Variants in NAALADL2 observed in about 807,000 individuals in gnomAD.
The protein encoded by NAALADL2 is inactive N-acetylated-alpha-linked acidic dipeptidase-like protein 2.
In NAALADL2, 76 loss-of-function variants were observed where a neutral mutation model predicts 87.2. The ratio of observed to expected loss-of-function variants is 0.87; its 90% CI spans 0.72 to 1.05. The LOEUF (loss-of-function observed/expected upper bound fraction) is 1.05, where lower values mean the gene tolerates loss of function less well. NAALADL2 is among the 50% of genes least tolerant of loss of function. The pLI is 0.00. For missense variants in NAALADL2, 1,089 were observed against 945.8 expected (o/e 1.15, Z -1.99); for synonymous variants, 354 against 331.0 (o/e 1.07, Z -0.75).
intron 2 of NAALADL2, among the ~76,000 whole-genome samples, chr3:174,652,625 G>C (rs1363436143): frequency 6.6e-6 from 1 of 152,114 alleles, no homozygotes; most frequent in Non-Finnish European, 1.5e-5. Flanking sequence ...CCATGATTCA[G>C]TTACCTCCCA....
rs916013687 is a variant in NAALADL2 at position 175,592,038 on chromosome 3, G to C, written c.1800+15851G>C. 1.4e-4 allele frequency among the ~76,000 whole-genome samples: 22 copies of C among 151,984 alleles called. No homozygotes were observed. In the South Asian group the frequency reaches 4.6e-3, roughly 32 times the overall value. On this transcript the variant is annotated intron_variant, in intron 10 of 13. Transcript: ENST00000454872. Reference sequence around the variant, plus strand: ...AGTCTGCAAAGCACTGTACTTCTCTGGAGCTCAAAGTGACTGCACTATAAA... The same window carrying C: ...AGTCTGCAAAGCACTGTACTTCTCTCGAGCTCAAAGTGACTGCACTATAAA...
In NAALADL2 at chr3:174,502,911, CT is replaced by C. The variant is rs372123390; in HGVS notation, c.-183-47657del. 2.4e-3 allele frequency among the ~76,000 whole-genome samples: 358 copies of C among 151,986 alleles called. 3 individuals carry two copies. The highest frequency in any genetic ancestry group is 8.3e-3 in the African/African-American group (345 of 41,452). On this transcript the variant is annotated intron_variant, in intron 1 of 3. Transcript: ENST00000434257. The stretch of plus-strand genomic sequence containing the variant: ...AGGCGTGGTGGTGCGCGCCTGTAGT[CT>C]CAGCTACTCAGGAGGCAGAGGCAAG...
Position 175,447,225 on chromosome 3 carries a change from A to G in NAALADL2, c.1091-4A>G, listed in dbSNP as rs1052311130. 2 of 1,569,182 alleles carry G rather than the reference A, an allele frequency of 1.3e-6. No individual in the cohort carries two copies. The highest frequency in any genetic ancestry group is 1.7e-6 in the Non-Finnish European group (2 of 1,161,826). ...GATTATCTTCCTTTGTCTTTTGAATACAGATGAAAGTTTTAGACAAAGCCG... is the reference window on the plus strand; with the variant it reads ...GATTATCTTCCTTTGTCTTTTGAATGCAGATGAAAGTTTTAGACAAAGCCG... On this transcript the variant is annotated splice_region_variant and splice_polypyrimidine_tract_variant and intron_variant, in intron 5 of 13. Coordinates refer to ENST00000454872, the MANE Select transcript of NAALADL2 (RefSeq NM_207015.3).
intron 1 of NAALADL2, among the ~76,000 whole-genome samples, chr3:174,902,922 G>A (rs992033441): frequency 3.3e-5 from 5 of 152,040 alleles, no homozygotes; most frequent in Non-Finnish European, 5.9e-5. Flanking sequence ...GAAATTGAGC[G>A]CTTAGGCTGA....
intron 3 of NAALADL2, among the ~76,000 whole-genome samples, chr3:174,812,223 A>G (rs1425929698): frequency 1.3e-5 from 2 of 152,202 alleles, no homozygotes; most frequent in African/African-American, 2.4e-5. Context: ...GTCTATTTAT[A>G]TAGATCTTGC....
At chr3:174,723,819 G>A (rs1191898165) in intron 2 of NAALADL2, among the ~76,000 whole-genome samples, 2 of 149,744 alleles carry the variant, frequency 1.3e-5, no homozygotes, top group South Asian at 4.2e-4. Flanking sequence ...TATACTGGAG[G>A]TTTTTAGGAT....
intron 11 of NAALADL2, among the ~76,000 whole-genome samples, chr3:175,680,140 A>G (rs892886202): frequency 6.6e-6 from 1 of 152,172 alleles, no homozygotes; most frequent in African/African-American, 2.4e-5. Context: ...AGGTATTTTA[A>G]CCGTAATATC....
intron 9 of NAALADL2, among the ~76,000 whole-genome samples, chr3:175,500,896 A>T (rs974537887): frequency 2.0e-5 from 3 of 152,140 alleles, no homozygotes; most frequent in African/African-American, 7.2e-5. Flanking sequence ...ACACACACAG[A>T]TAGACAGTGA....
At chr3:175,190,148 A>T (rs183899656) in intron 2 of NAALADL2, among the ~76,000 whole-genome samples, 363 of 149,230 alleles carry the variant, frequency 2.4e-3, no homozygotes, top group Non-Finnish European at 4.4e-3. Flanking sequence ...TGGCCTTGGC[A>T]ATATATATAT....
chr3:174,486,417 G>A (rs1279997426), intron 1 of NAALADL2, among the ~76,000 whole-genome samples: 1 of 152,034 alleles, frequency 6.6e-6, no homozygotes, highest in Non-Finnish European at 1.5e-5. Flanking sequence ...GGTCCCCCTA[G>A]TGCTTTTAAA....
At chr3:174,714,789 T>C (rs922059313) in intron 2 of NAALADL2, among the ~76,000 whole-genome samples, 10 of 152,176 alleles carry the variant, frequency 6.6e-5, no homozygotes, top group African/African-American at 2.2e-4. Flanking sequence ...TATCCTTTAT[T>C]TCCTTCTCCT....
intron 1 of NAALADL2, among the ~76,000 whole-genome samples, chr3:174,441,270 C>T (rs1472597021): frequency 6.6e-6 from 1 of 152,068 alleles, no homozygotes; most frequent in Non-Finnish European, 1.5e-5. Context: ...GGGTGGCGCG[C>T]GGGGCACCTG....
intron 1 of NAALADL2, among the ~76,000 whole-genome samples, chr3:174,496,513 TATA>T (rs1166460300): frequency 4.4e-4 from 8 of 18,168 alleles, no homozygotes; most frequent in African/African-American, 1.5e-3. Flanking sequence ...TTATATATTA[TATA>T]TATATATATA....
At chr3:174,615,488 A>G (rs950258667) in intron 2 of NAALADL2, among the ~76,000 whole-genome samples, 1 of 152,222 alleles carries the variant, frequency 6.6e-6, no homozygotes, top group Non-Finnish European at 1.5e-5. Context: ...CAGTAGCACT[A>G]TCATTGGGAA....
intron 1 of NAALADL2, among the ~76,000 whole-genome samples, chr3:175,004,958 T>G (rs1353074892): frequency 6.6e-6 from 1 of 151,926 alleles, no homozygotes. Flanking sequence ...ATTGTGACAA[T>G]GGTAAATTAC....
At chr3:175,271,389 C>CA (rs1167289303) in intron 4 of NAALADL2, among the ~76,000 whole-genome samples, 6 of 151,960 alleles carry the variant, frequency 3.9e-5, no homozygotes, top group African/African-American at 1.2e-4. Flanking sequence ...AAATCTGTTA[C>CA]AAAAAAAGCC....
In NAALADL2 at chr3:175,737,359, T is replaced by A; in HGVS notation, c.1950T>A (p.Asn650Lys). The A allele has an allele frequency of 6.2e-7, 1 of 1,611,160 alleles. No individual in the cohort carries two copies. The highest frequency in any genetic ancestry group is 8.5e-7 in the Non-Finnish European group (1 of 1,177,534). The change falls in exon 12 of 14, where the codon AAT becomes AAA. Residue 650 changes from asparagine (N) to lysine (K), a missense_variant. By Grantham distance (94) the Asn-to-Lys change is moderately conservative (BLOSUM62 0). Transcript: ENST00000454872. ...QIANEPVLPF[N>K]ALDIALEVQN... Reference sequence around the variant, plus strand: ...CCAACGAACCTGTTCTGCCCTTTAATGCACTTGATATAGCTTTAGAAGTTC... The same window carrying A: ...CCAACGAACCTGTTCTGCCCTTTAAAGCACTTGATATAGCTTTAGAAGTTC...
intron 5 of NAALADL2, among the ~76,000 whole-genome samples, chr3:175,437,782 A>C (rs891968036): frequency 1.3e-5 from 2 of 152,136 alleles, no homozygotes; most frequent in African/African-American, 4.8e-5. Context: ...ACTTTTTAAA[A>C]AGTAAAATTA....
intron 1 of NAALADL2, among the ~76,000 whole-genome samples, chr3:174,905,018 T>A (rs1336712417): frequency 6.6e-6 from 1 of 151,892 alleles, no homozygotes; most frequent in African/African-American, 2.4e-5. Flanking sequence ...ACATAATTAG[T>A]AATTCTATAG....
Sources: allele counts gnomAD v4.1 joint callset (sites outside exome capture counted in the v4.1 genomes callset), GRCh38; gene constraint gnomAD v4.1.1; transcripts MANE v1.5; gene names NCBI Gene and HGNC (gene_info 2026-07-23, HGNC 2026-07-21).